The following VANGL1 variants were observed in gnomAD, a reference collection of about 807,000 sequenced individuals.
VANGL1 encodes the protein VANGL planar cell polarity protein 1.
VANGL1 carries 18 observed loss-of-function variants against 48.4 expected under a neutral mutation model. The ratio of observed to expected loss-of-function variants is 0.37; its 90% confidence interval spans 0.26 to 0.55. The LOEUF is 0.55. Ranked by LOEUF, VANGL1 falls within the 20% of genes least tolerant of loss-of-function variation. The pLI, the probability that VANGL1 is intolerant of heterozygous loss-of-function variation, is 0.81. For missense variants in VANGL1, 667 were observed against 675.8 expected, an observed-to-expected ratio of 0.99 and a Z score of 0.14; for synonymous variants, 257 against 261.8, an observed-to-expected ratio of 0.98 and a Z score of 0.18.
chr1:115,673,695 G>A (rs1653065151), intron 4 of VANGL1, among the ~76,000 whole-genome samples: 2 of 150,498 alleles, frequency 1.3e-5, no homozygotes, highest in Admixed American at 1.3e-4. Context: ...TGTCTCCCAG[G>A]TTCAAGCAAT....
chr1:115,657,184 GCTAT>G (rs2101321649), intron 2 of VANGL1, among the ~76,000 whole-genome samples: 1 of 152,336 alleles, frequency 6.6e-6, no homozygotes, highest in South Asian at 2.1e-4. Context: ...ACAGCTTTGT[GCTAT>G]CTAAGGTCAC....
chr1:115,656,006 A>G (rs1437146992), intron 2 of VANGL1, among the ~76,000 whole-genome samples: 2 of 152,060 alleles, frequency 1.3e-5, no homozygotes, highest in Non-Finnish European at 1.5e-5. Flanking sequence ...AGTTATTCTA[A>G]TTTTCTAATA....
chr1:115,678,843 T>A, intron 4 of VANGL1, among the ~76,000 whole-genome samples: 1 of 151,680 alleles, frequency 6.6e-6, no homozygotes, highest in Non-Finnish European at 1.5e-5. Flanking sequence ...TAGTCCCAGC[T>A]ATTTGGGAGC....
At chr1:115,671,861 G>C (rs1652989572) in intron 4 of VANGL1, among the ~76,000 whole-genome samples, 1 of 152,218 alleles carries the variant, frequency 6.6e-6, no homozygotes, top group Non-Finnish European at 1.5e-5. Context: ...CTGTGCTGTG[G>C]GGAAGGCAGC....
intron 2 of VANGL1, among the ~76,000 whole-genome samples, chr1:115,658,273 G>A (rs533524088): frequency 6.6e-6 from 1 of 152,304 alleles, no homozygotes; most frequent in African/African-American, 2.4e-5. Flanking sequence ...CTTAAGCTAA[G>A]TAGTAGGTTA....
At chr1:115,644,058 A>G (rs1651826833) in intron 1 of VANGL1, among the ~76,000 whole-genome samples, 1 of 152,166 alleles carries the variant, frequency 6.6e-6, no homozygotes, top group African/African-American at 2.4e-5. Flanking sequence ...TGAAATTGCA[A>G]AATTCTTAGT....
chr1:115,663,538 C>G, intron 3 of VANGL1, 123 bp from the exon 4 acceptor site: 1 of 1,354,342 alleles, frequency 7.4e-7, no homozygotes, highest in East Asian at 2.5e-5. Context: ...GTTAAGCTTT[C>G]ATTTTCTGGA....
chr1:115,685,991 A>G (rs1306061219), intron 7 of VANGL1, among the ~76,000 whole-genome samples: 1 of 152,166 alleles, frequency 6.6e-6, no homozygotes, highest in Non-Finnish European at 1.5e-5. Context: ...GGATACACAT[A>G]TAGTGCAACA....
rs114196858 is a variant in VANGL1, at chr1:115,694,536, C to G, written c.*3157C>G. On this transcript the variant is annotated 3_prime_UTR_variant, in exon 8 of 8. Transcript: ENST00000355485. ...TCTCATTTTGCCTCATAATCACTTT[C>G]GAGTGCATGTATTTACCTAAGGGCT... The G allele has an allele frequency of 2.0e-5, 3 of 152,158 alleles. No homozygotes were observed. Among genetic ancestry groups the G allele is most frequent in the Admixed American group, 2.0e-4 (3 of 15,278 alleles). 9.4% of individuals were successfully genotyped at this position (152,158 alleles called of 1,614,324 possible).
At chr1:115,649,517 GAC>G (rs1050168867) in intron 1 of VANGL1, among the ~76,000 whole-genome samples, 29 of 152,354 alleles carry the variant, frequency 1.9e-4, no homozygotes, top group African/African-American at 6.5e-4. Flanking sequence ...TCATTAAAAA[GAC>G]AGAGGAACAA....
chr1:115,657,714 CATTG>C (rs1652401060), intron 2 of VANGL1, among the ~76,000 whole-genome samples: 1 of 152,162 alleles, frequency 6.6e-6, no homozygotes, highest in Admixed American at 6.5e-5. Flanking sequence ...TCTCTTCTTG[CATTG>C]CCATAAAGAA....
intron 1 of VANGL1, among the ~76,000 whole-genome samples, chr1:115,645,142 G>A (rs1651868770): frequency 6.6e-6 from 1 of 152,136 alleles, no homozygotes; most frequent in South Asian, 2.1e-4. Flanking sequence ...AAACACACAC[G>A]GTTTCCTCTG....
At chr1:115,681,652 G>A (rs1442519864) in intron 4 of VANGL1, among the ~76,000 whole-genome samples, 1 of 152,012 alleles carries the variant, frequency 6.6e-6, no homozygotes, top group Non-Finnish European at 1.5e-5. Context: ...GATTACAGGT[G>A]CATGCCACTA....
chr1:115,661,316 C>T (rs998875813), intron 3 of VANGL1, among the ~76,000 whole-genome samples: 2 of 152,162 alleles, frequency 1.3e-5, no homozygotes, highest in African/African-American at 2.4e-5. Flanking sequence ...GAAATTCTCT[C>T]ATGCCCTTTC....
intron 4 of VANGL1, among the ~76,000 whole-genome samples, chr1:115,679,124 C>T (rs564888675): frequency 6.6e-6 from 1 of 152,302 alleles, no homozygotes; most frequent in South Asian, 2.1e-4. Flanking sequence ...TAGGTGAGAG[C>T]ATGCACACTC....
At chr1:115,665,970 C>T (rs1417088317) in intron 4 of VANGL1, among the ~76,000 whole-genome samples, 1 of 152,120 alleles carries the variant, frequency 6.6e-6, no homozygotes, top group African/African-American at 2.4e-5. Context: ...CAGAAACAGG[C>T]CTGGGGGTAT....
chr1:115,649,469 C>T (rs1162112028), intron 1 of VANGL1, among the ~76,000 whole-genome samples: 1 of 152,186 alleles, frequency 6.6e-6, no homozygotes, highest in Non-Finnish European at 1.5e-5. Flanking sequence ...GGAAGGCCGG[C>T]ACAGAGACTC....
At position 115,693,730 on chromosome 1, in the gene VANGL1, T is replaced by G. The variant is rs12121158; in HGVS notation, c.*2351T>G. On this transcript the variant is annotated 3_prime_UTR_variant, in exon 8 of 8. Transcript: ENST00000355485. ...CAACCTCTTTATAGCTTGAGTTACT[T>G]TTGCAGTGGGAACAATGTAAATGAC... 0.42 allele frequency: 63,517 copies of G among 152,048 alleles called. 13,544 individuals carry two copies. Among genetic ancestry groups the G allele is most frequent in the African/African-American group, 0.5 (20,854 of 41,462 alleles). The allele number at this position is 152,048 out of a possible 1,614,324, so 9.4% of individuals were successfully genotyped here. A position where few individuals can be genotyped will look rare whatever the true frequency, so the allele number is the denominator to read the frequency against.
chr1:115,661,650 T>C lies in VANGL1; in HGVS notation c.204+1877T>C, dbSNP rs1036039171. On this transcript the variant is annotated intron_variant, in intron 3 of 7. Coordinates refer to ENST00000355485, the MANE Select transcript of VANGL1 (RefSeq NM_138959.3). The stretch of plus-strand genomic sequence containing the variant: ...GTTTGTTTTTTGAGGCAGAGTCTTG[T>C]TCTGTCGCCCAGGCTGGAGTGCAGC... Among the ~76,000 whole-genome samples the C allele has an allele frequency of 2.6e-5, 4 of 152,016 alleles. No individual in the cohort carries two copies. In the East Asian group the frequency reaches 7.7e-4, roughly 29 times the overall value.
Sources: gnomAD v4.1 joint callset for allele counts (sites outside exome capture counted in the v4.1 genomes callset) on GRCh38, gnomAD v4.1.1 for gene constraint, MANE v1.5 for transcripts, NCBI Gene and HGNC (gene_info 2026-07-23, HGNC 2026-07-21) for gene names.